SLURP2: variants seen among roughly 807,000 people sequenced by gnomAD.
SLURP2 encodes secreted LY6/PLAUR domain containing 2, also known as secreted Ly-6/uPAR domain-containing protein 2.
In SLURP2, 4 loss-of-function variants were observed where a neutral mutation model predicts 9.8. The observed-to-expected ratio is 0.41, with a 90% CI of 0.20 to 0.94. The LOEUF is 0.94. Ranked by LOEUF, SLURP2 falls within the 40% of genes least tolerant of loss-of-function variation. The pLI, the probability that SLURP2 is intolerant of heterozygous loss-of-function variation, is 0.32. For synonymous variants in SLURP2, 58 were observed against 56.2 expected (o/e 1.03, Z -0.15); for missense variants, 118 against 126.4 (o/e 0.93, Z 0.32).
At position 142,769,786 on chromosome 8, in the gene SLURP2, G is replaced by A. The variant is rs1815120322; in HGVS notation, c.21C>T (p.Leu7=). The A allele has an allele frequency of 1.2e-6, 2 of 1,600,220 alleles. No individual in the cohort carries two copies. The highest frequency in any genetic ancestry group is 4.5e-5 in the East Asian group (2 of 44,318). Residue 7 remains leucine (L), a synonymous_variant, in exon 1 of 3, where the codon CTC becomes CTT. Coordinates refer to ENST00000317543, the MANE Select transcript of SLURP2 (RefSeq NM_177458.3). MQLGTG[L]LLAAVLSLQL... is the part of the protein sequence containing the mutation. ...GCAGGCTCAGGACGGCGGCCAGCAG[G>A]AGCCCAGTGCCGAGCTGCATGTTCT...
In SLURP2 at chr8:142,765,035, C is replaced by T. The variant is rs750547044; in HGVS notation, c.157+1G>A. ...GCCAGCCCACCACTGTTCCCACTTA[C>T]GGGTGGCAGTGGTGACACAGTGGGT... On this transcript the variant is annotated splice_donor_variant, in intron 2 of 2. Coordinates refer to ENST00000317543, the MANE Select transcript of SLURP2 (RefSeq NM_177458.3). LOFTEE classifies it high-confidence loss of function. The T allele has an allele frequency of 1.2e-5, 20 of 1,607,734 alleles. No individual in the cohort carries two copies. Among genetic ancestry groups the T allele is most frequent in the East Asian group, 2.2e-5 (1 of 44,830 alleles).
In SLURP2 at chr8:142,764,540, G is replaced by A. The variant is rs1219967442; in HGVS notation, c.*65C>T. On this transcript the variant is annotated 3_prime_UTR_variant, in exon 3 of 3. Transcript: ENST00000317543. ...AGTCTCGAGGGAGGGGCAGCTGTGA[G>A]CCCTGGCGCCAGGCTGTGGGGGCTG... 1.3e-6 allele frequency: 2 copies of A among 1,553,302 alleles called. No individual in the cohort carries two copies. Among genetic ancestry groups the A allele is most frequent in the South Asian group, 2.3e-5 (2 of 87,318 alleles).
At chr8:142,769,709 G>C (rs772632863) in intron 1 of SLURP2, 46 bp downstream of exon 1, 1 of 1,560,438 alleles carries the variant, frequency 6.4e-7, no homozygotes, top group African/African-American at 1.3e-5. Flanking sequence ...TTGGGCTAGA[G>C]TGATGGGGGC....
chr8:142,767,499 G>A (rs998354466), intron 1 of SLURP2, among the ~76,000 whole-genome samples: 3 of 152,180 alleles, frequency 2.0e-5, no homozygotes, highest in Non-Finnish European at 4.4e-5. Context: ...GAAGGAGGAG[G>A]TGAGGATATG....
chr8:142,765,948 G>T (rs1814990918), intron 1 of SLURP2, among the ~76,000 whole-genome samples: 1 of 147,616 alleles, frequency 6.8e-6, no homozygotes, highest in African/African-American at 2.5e-5. Flanking sequence ...GGGCGACAGA[G>T]CAAGACTCCA....
intron 1 of SLURP2, among the ~76,000 whole-genome samples, chr8:142,769,485 T>G (rs1815106646): frequency 9.0e-6 from 1 of 110,900 alleles, no homozygotes; most frequent in Non-Finnish European, 1.8e-5. Flanking sequence ...ACTGGAGAGG[T>G]CTGGGGGCTG....
At chr8:142,764,827 G>T in intron 2 of SLURP2, 86 bp from the exon 3 acceptor site, 1 of 1,511,928 alleles carries the variant, frequency 6.6e-7, no homozygotes, top group Admixed American at 1.9e-5. Flanking sequence ...TGAGCTGAGG[G>T]TCAGACGCCC....
Position 142,764,529 on chromosome 8 carries a change from G to A in SLURP2, c.*76C>T. 2.0e-6 allele frequency: 3 copies of A among 1,467,398 alleles called. No homozygotes were observed. Among genetic ancestry groups the A allele is most frequent in the Non-Finnish European group, 1.9e-6 (2 of 1,069,210 alleles). The allele number at this position is 1,467,398 out of a possible 1,614,324, so 90.9% of individuals were successfully genotyped here. On this transcript the variant is annotated 3_prime_UTR_variant, in exon 3 of 3. Coordinates refer to ENST00000317543, the MANE Select transcript of SLURP2 (RefSeq NM_177458.3). ...GTGGGCTGGCCAGTCTCGAGGGAGG[G>A]GCAGCTGTGAGCCCTGGCGCCAGGC...
intron 1 of SLURP2, among the ~76,000 whole-genome samples, chr8:142,767,961 A>G (rs941579997): frequency 5.3e-5 from 8 of 152,086 alleles, no homozygotes; most frequent in African/African-American, 1.9e-4. Context: ...AGGTTGGGTT[A>G]TCAAGAGAAA....
chr8:142,768,746 A>G lies in SLURP2; in HGVS notation c.52+1009T>C, dbSNP rs1392292419. Among the ~76,000 whole-genome samples the G allele has an allele frequency of 6.6e-6, 1 of 152,074 alleles. No individual in the cohort carries two copies. On this transcript the variant is annotated intron_variant, in intron 1 of 2. Transcript: ENST00000317543. This position sits in a 1 kb window ranked among gnomAD's most constrained non-coding sequence, Gnocchi z 4.8. The stretch of plus-strand genomic sequence containing the variant: ...TTCAGCACAGAGCTGGTCTGCCCTC[A>G]TGACCCTGGGGCAGTCCTCAGGGTC...
intron 1 of SLURP2, among the ~76,000 whole-genome samples, chr8:142,769,066 C>T (rs978304479): frequency 1.3e-5 from 2 of 152,036 alleles, no homozygotes; most frequent in African/African-American, 2.4e-5. Flanking sequence ...CAAGAGAAGA[C>T]GTTCAGGCTC....
intron 1 of SLURP2, among the ~76,000 whole-genome samples, chr8:142,766,996 C>T (rs1815027207): frequency 6.6e-6 from 1 of 152,236 alleles, no homozygotes; most frequent in South Asian, 2.1e-4. Flanking sequence ...TCACTGTTGC[C>T]AAAGGTGGAG....
chr8:142,765,847 C>T (rs1224637444), intron 1 of SLURP2, among the ~76,000 whole-genome samples: 4 of 151,880 alleles, frequency 2.6e-5, no homozygotes, highest in Non-Finnish European at 5.9e-5. Context: ...CCTGTAATCC[C>T]AGCTACTCAG....
chr8:142,768,725 G>A lies in SLURP2; in HGVS notation c.52+1030C>T, dbSNP rs587773879. On this transcript the variant is annotated intron_variant, in intron 1 of 2. Transcript: ENST00000317543. This position sits in a 1 kb window ranked among gnomAD's most constrained non-coding sequence, Gnocchi z 4.8. ...GGCCCCTGTGTGTCTCGGACCTTCAGCACAGAGCTGGTCTGCCCTCATGAC... is the reference window on the plus strand; with the variant it reads ...GGCCCCTGTGTGTCTCGGACCTTCAACACAGAGCTGGTCTGCCCTCATGAC... 4.6e-5 allele frequency among the ~76,000 whole-genome samples: 7 copies of A among 152,306 alleles called. No homozygotes were observed. In the South Asian group the frequency reaches 8.3e-4, roughly 18 times the overall value.
intron 1 of SLURP2, among the ~76,000 whole-genome samples, chr8:142,765,646 G>C (rs1018534573): frequency 1.3e-5 from 2 of 152,210 alleles, no homozygotes; most frequent in Admixed American, 1.3e-4. Flanking sequence ...GGATGTGGTG[G>C]AACAGGAATT....
Position 142,769,260 on chromosome 8 carries a change from C to T in SLURP2, c.52+495G>A, listed in dbSNP as rs587666384. On this transcript the variant is annotated intron_variant, in intron 1 of 2. Coordinates refer to ENST00000317543, the MANE Select transcript of SLURP2 (RefSeq NM_177458.3). ...GAGGGGGTAAAATCACCCAGGAAAG[C>T]GGGGAGCAGAGGAGAGGACCCGGGA... is the stretch of plus-strand genomic sequence containing the variant. 1.1e-4 allele frequency among the ~76,000 whole-genome samples: 17 copies of T among 151,286 alleles called. No homozygotes were observed. In the South Asian group the frequency reaches 3.1e-3, roughly 28 times the overall value.
intron 1 of SLURP2, among the ~76,000 whole-genome samples, chr8:142,765,983 A>G (rs866484702): frequency 3.1e-4 from 47 of 151,926 alleles, no homozygotes; most frequent in African/African-American, 1.1e-3. Flanking sequence ...ACAAAAAACA[A>G]AAAACAAAAA....
At chr8:142,766,717 C>A (rs1346636925) in intron 1 of SLURP2, among the ~76,000 whole-genome samples, 1 of 152,208 alleles carries the variant, frequency 6.6e-6, no homozygotes, top group Non-Finnish European at 1.5e-5. Flanking sequence ...CCTCCAACTC[C>A]CTCCCTCCCT....
At chr8:142,764,871 A>G (rs919628221) in intron 2 of SLURP2, 130 bp from the exon 3 acceptor site, 5 of 1,253,696 alleles carry the variant, frequency 4.0e-6, no homozygotes, top group Non-Finnish European at 4.6e-6. Context: ...CTCCTGGGGC[A>G]GACGTGGCCC....
Sources: gnomAD v4.1 joint callset for allele counts (sites outside exome capture counted in the v4.1 genomes callset) on GRCh38, gnomAD v4.1.1 for gene constraint, Gnocchi (gnomAD v3.1) non-coding constraint, MANE v1.5 for transcripts, NCBI Gene and HGNC (gene_info 2026-07-23, HGNC 2026-07-21) for gene names.